ATP10B: variants seen among roughly 807,000 people sequenced by gnomAD.
ATP10B encodes the protein ATPase phospholipid transporting 10B (putative).
In ATP10B, 122 loss-of-function variants were observed where a neutral mutation model predicts 141.2. The observed-to-expected ratio is 0.86, with a 90% CI of 0.75 to 1.00. The LOEUF is 1.00. ATP10B is among the 50% of genes least tolerant of loss of function. The pLI is 0.00. For synonymous variants in ATP10B, 685 were observed against 692.0 expected, an observed-to-expected ratio of 0.99 and a Z score of 0.16; for missense variants, 1,876 against 1,825.3, an observed-to-expected ratio of 1.03 and a Z score of -0.51.
At chr5:160,881,483 C>T in the ATP10B span, among the ~76,000 whole-genome samples, 26 of 152,204 alleles carry the variant, frequency 1.7e-4, no homozygotes, top group African/African-American at 2.4e-4. Context: ...ATACAAAAAC[C>T]GGCACACAGA....
At chr5:160,791,236 A>G (rs1022492721) in intron 1 of ATP10B, among the ~76,000 whole-genome samples, 12 of 152,198 alleles carry the variant, frequency 7.9e-5, no homozygotes, top group African/African-American at 2.7e-4. Context: ...CTTCTGACTT[A>G]CAGAACTGTA....
At chr5:160,845,756 C>A (rs1440471344) in intron 1 of ATP10B, among the ~76,000 whole-genome samples, 5 of 152,138 alleles carry the variant, frequency 3.3e-5, no homozygotes, top group African/African-American at 1.2e-4. Flanking sequence ...TCTGGCTAGA[C>A]TGTGAGCTAT....
At chr5:160,838,393 G>T (rs1044703552) in intron 1 of ATP10B, among the ~76,000 whole-genome samples, 1 of 152,118 alleles carries the variant, frequency 6.6e-6, no homozygotes, top group Non-Finnish European at 1.5e-5. Flanking sequence ...CTGTCATCTG[G>T]TTATCAGGCA....
At chr5:160,836,194 T>C (rs1775417202) in intron 1 of ATP10B, among the ~76,000 whole-genome samples, 1 of 152,148 alleles carries the variant, frequency 6.6e-6, no homozygotes, top group South Asian at 2.1e-4. Context: ...TTCATCACTA[T>C]GAAATATATC....
chr5:160,652,838 A>T (rs1284549665), intron 7 of ATP10B, among the ~76,000 whole-genome samples: 1 of 97,734 alleles, frequency 1.0e-5, no homozygotes, highest in Non-Finnish European at 1.8e-5. Flanking sequence ...TATATAATAT[A>T]TATTATAAAA....
chr5:160,925,265 C>T, the ATP10B span, among the ~76,000 whole-genome samples: 10 of 152,294 alleles, frequency 6.6e-5, no homozygotes, highest in South Asian at 1.9e-3. Context: ...GGATGATAGT[C>T]CCTATCTCAT....
intron 2 of ATP10B, among the ~76,000 whole-genome samples, chr5:160,768,166 T>C (rs1769617318): frequency 6.6e-6 from 1 of 152,202 alleles, no homozygotes; most frequent in Non-Finnish European, 1.5e-5. Context: ...CCCATCATCA[T>C]CATGAATTTT....
At chr5:160,913,885 TTAAA>T in the ATP10B span, among the ~76,000 whole-genome samples, 1 of 152,232 alleles carries the variant, frequency 6.6e-6, no homozygotes, top group Non-Finnish European at 1.5e-5. Flanking sequence ...TGGAAGGTGC[TTAAA>T]TAAATGTGTA....
At chr5:160,576,671 G>A (rs1344777919) in intron 24 of ATP10B, among the ~76,000 whole-genome samples, 1 of 152,190 alleles carries the variant, frequency 6.6e-6, no homozygotes, top group Non-Finnish European at 1.5e-5. Context: ...GAGGCCTGAA[G>A]GATGAGAAGA....
At chr5:160,627,741 T>G (rs1376104569) in intron 13 of ATP10B, among the ~76,000 whole-genome samples, 1 of 152,130 alleles carries the variant, frequency 6.6e-6, no homozygotes, top group African/African-American at 2.4e-5. Context: ...TGTCTACACA[T>G]AGGAAATATT....
At chr5:160,590,324 G>A (rs12518896) in intron 23 of ATP10B, among the ~76,000 whole-genome samples, 121,553 of 151,918 alleles carry the variant, frequency 0.8, 48,753 homozygotes, top group Middle Eastern at 0.87. Context: ...AAGCCAGGAA[G>A]TTCAAGCAAA....
chr5:160,709,005 C>T (rs559301698), intron 3 of ATP10B, among the ~76,000 whole-genome samples: 1 of 152,188 alleles, frequency 6.6e-6, no homozygotes, highest in African/African-American at 2.4e-5. Context: ...ACAGATATGG[C>T]CTTGCAAATC....
intron 7 of ATP10B, among the ~76,000 whole-genome samples, chr5:160,654,697 CG>C (rs1282379891): frequency 6.6e-6 from 1 of 151,326 alleles, no homozygotes; most frequent in African/African-American, 2.5e-5. Context: ...AAGTCATTGT[CG>C]TCATCGTCAT....
intron 1 of ATP10B, among the ~76,000 whole-genome samples, chr5:160,826,536 A>C (rs1384414434): frequency 6.6e-6 from 1 of 152,188 alleles, no homozygotes; most frequent in Non-Finnish European, 1.5e-5. Context: ...ATGTGTTTGA[A>C]TATGAAATCA....
intron 1 of ATP10B, among the ~76,000 whole-genome samples, chr5:160,809,847 T>C (rs982932883): frequency 6.6e-6 from 1 of 152,224 alleles, no homozygotes; most frequent in African/African-American, 2.4e-5. Flanking sequence ...AGAGATTTTT[T>C]AGCTATTCAT....
intron 24 of ATP10B, among the ~76,000 whole-genome samples, chr5:160,579,274 T>G (rs1755396038): frequency 6.6e-6 from 1 of 152,196 alleles, no homozygotes. Flanking sequence ...ATTGCCTAGG[T>G]TTTCTTCTAG....
chr5:160,613,546 G>T (rs952270434), intron 17 of ATP10B, among the ~76,000 whole-genome samples: 1 of 152,204 alleles, frequency 6.6e-6, no homozygotes, highest in Non-Finnish European at 1.5e-5. Flanking sequence ...GGAAAAGCAG[G>T]ATGAGATTCA....
Position 160,703,250 on chromosome 5 carries a change from G to A in ATP10B, c.-205+13659C>T, listed in dbSNP as rs114169812. On this transcript the variant is annotated intron_variant, in intron 3 of 25. Transcript: ENST00000327245. The stretch of plus-strand genomic sequence containing the variant: ...GGGTTTGGTTCCAGAATACGACAAT[G>A]AAGTGAATGTTGCAATGAAGTGAGT... 9.9e-3 allele frequency among the ~76,000 whole-genome samples: 1,506 copies of A among 152,226 alleles called. 26 individuals carry two copies. The highest frequency in any genetic ancestry group is 0.035 in the African/African-American group (1,441 of 41,524).
chr5:160,692,891 C>A (rs1014061601), intron 3 of ATP10B: 2 of 152,218 alleles, frequency 1.3e-5, no homozygotes, highest in Non-Finnish European at 2.9e-5. Flanking sequence ...TCTCCTGCAA[C>A]TTGACATCTT....
Sources: gnomAD v4.1 joint callset for allele counts (sites outside exome capture counted in the v4.1 genomes callset) on GRCh38, gnomAD v4.1.1 for gene constraint, MANE v1.5 for transcripts, NCBI Gene and HGNC (gene_info 2026-07-23, HGNC 2026-07-21) for gene names.